The following DPT variants were observed in gnomAD, a reference collection of about 807,000 sequenced individuals.
DPT encodes the protein tyrosine-rich acidic matrix protein.
In DPT, 21 loss-of-function variants were observed where a neutral mutation model predicts 31.2. The observed-to-expected ratio is 0.67, with a 90% CI of 0.48 to 0.97. DPT has a LOEUF of 0.97. Among genes scored for constraint, DPT ranks in the 50% least tolerant of loss-of-function variants. The pLI is 0.00. For synonymous variants in DPT, 91 were observed against 86.9 expected, an observed-to-expected ratio of 1.05 and a Z score of -0.26; for missense variants, 262 against 258.8, an observed-to-expected ratio of 1.01 and a Z score of -0.08.
At chr1:168,705,897 G>C (rs72689248) in intron 2 of DPT, among the ~76,000 whole-genome samples, 24,449 of 152,184 alleles carry the variant, frequency 0.16, 2,746 homozygotes, top group African/African-American at 0.32. Context: ...TTAAAAATGA[G>C]AGTTTCCCTG....
chr1:168,724,714 C>G (rs919053553), intron 1 of DPT, among the ~76,000 whole-genome samples: 16 of 152,072 alleles, frequency 1.1e-4, no homozygotes, highest in Non-Finnish European at 7.4e-5. Flanking sequence ...GGACGACTGC[C>G]CTGAACTACA....
intron 1 of DPT, among the ~76,000 whole-genome samples, chr1:168,715,080 T>C (rs1649950645): frequency 6.6e-6 from 1 of 152,188 alleles, no homozygotes; most frequent in South Asian, 2.1e-4. Context: ...GCCAACTGAA[T>C]GCCTCAAACC....
At chr1:168,706,701 T>C (rs964535182) in intron 2 of DPT, among the ~76,000 whole-genome samples, 1 of 152,204 alleles carries the variant, frequency 6.6e-6, no homozygotes, top group African/African-American at 2.4e-5. Context: ...GACTTTACAT[T>C]TCAAACATTT....
intron 3 of DPT, among the ~76,000 whole-genome samples, chr1:168,700,214 C>T (rs1649563594): frequency 6.6e-6 from 1 of 152,000 alleles, no homozygotes; most frequent in South Asian, 2.1e-4. Flanking sequence ...GGGATTAGTG[C>T]CCATATAAAA....
intron 3 of DPT, among the ~76,000 whole-genome samples, chr1:168,698,000 A>G (rs1320011384): frequency 6.6e-6 from 1 of 152,206 alleles, no homozygotes; most frequent in Non-Finnish European, 1.5e-5. Flanking sequence ...TATGCAAATC[A>G]TTCCAAAGCT....
intron 2 of DPT, among the ~76,000 whole-genome samples, chr1:168,704,300 G>T (rs1404742049): frequency 6.6e-6 from 1 of 152,136 alleles, no homozygotes; most frequent in Non-Finnish European, 1.5e-5. Context: ...GAAGAAGAGC[G>T]CAGGTCAGGA....
intron 2 of DPT, among the ~76,000 whole-genome samples, chr1:168,708,524 T>C (rs976348594): frequency 6.6e-6 from 1 of 152,260 alleles, no homozygotes; most frequent in Non-Finnish European, 1.5e-5. Context: ...TCTATAGTAA[T>C]AGCTTCCAGC....
intron 2 of DPT, among the ~76,000 whole-genome samples, chr1:168,710,043 C>A (rs1026375743): frequency 2.0e-5 from 3 of 152,082 alleles, no homozygotes; most frequent in Non-Finnish European, 4.4e-5. Context: ...TGGGTAATAT[C>A]CTGGAGATGT....
intron 1 of DPT, among the ~76,000 whole-genome samples, chr1:168,725,109 G>C (rs1429767835): frequency 1.3e-5 from 2 of 152,136 alleles, no homozygotes; most frequent in Admixed American, 1.3e-4. Context: ...ATTTGCTTTA[G>C]AGTTTTCTTA....
intron 1 of DPT, among the ~76,000 whole-genome samples, 197 bp downstream of exon 1, chr1:168,728,673 C>G (rs182710683): frequency 6.6e-6 from 1 of 152,286 alleles, no homozygotes; most frequent in East Asian, 1.9e-4. Flanking sequence ...CAGACACTCC[C>G]CATCCCAGGT....
chr1:168,721,199 G>A (rs1281062610), intron 1 of DPT, among the ~76,000 whole-genome samples: 1 of 152,180 alleles, frequency 6.6e-6, no homozygotes, highest in East Asian at 1.9e-4. Context: ...GGGCAAGTTT[G>A]CCCAGTAAAA....
intron 3 of DPT, among the ~76,000 whole-genome samples, chr1:168,697,641 T>A (rs1450331106): frequency 2.0e-5 from 3 of 152,236 alleles, no homozygotes; most frequent in Non-Finnish European, 2.9e-5. Context: ...CTACATTGCA[T>A]GACACTCCTG....
chr1:168,722,962 T>G lies in DPT; in HGVS notation c.305+5908A>C, dbSNP rs896658246. Among the ~76,000 whole-genome samples the G allele has an allele frequency of 5.3e-5, 8 of 152,178 alleles. No homozygotes were observed. In the East Asian group the frequency reaches 1.5e-3, roughly 29 times the overall value. On this transcript the variant is annotated intron_variant, in intron 1 of 3. Coordinates refer to ENST00000367817, the MANE Select transcript of DPT (RefSeq NM_001937.5). ...GGTTCCCAGACAGAAGCAAATCCCC[T>G]CCTGGGAGGAGGGAGCTTTTGCCAT...
chr1:168,710,149 T>C (rs914397618), intron 2 of DPT, among the ~76,000 whole-genome samples: 1 of 152,188 alleles, frequency 6.6e-6, no homozygotes, highest in Non-Finnish European at 1.5e-5. Context: ...CACTAAAATG[T>C]CTAGACACAC....
chr1:168,728,716 G>A (rs1349770753), intron 1 of DPT, among the ~76,000 whole-genome samples, 154 bp downstream of exon 1: 3 of 152,180 alleles, frequency 2.0e-5, no homozygotes, highest in Non-Finnish European at 4.4e-5. Flanking sequence ...CTCAGCAGCA[G>A]CCCTGCTCCA....
chr1:168,708,885 T>TA (rs1489565380), intron 2 of DPT, among the ~76,000 whole-genome samples: 4 of 152,186 alleles, frequency 2.6e-5, no homozygotes, highest in African/African-American at 7.2e-5. Flanking sequence ...GGCTAAGAAT[T>TA]AAAGATTAGC....
At chr1:168,705,214 G>A (rs1292146855) in intron 2 of DPT, among the ~76,000 whole-genome samples, 3 of 152,122 alleles carry the variant, frequency 2.0e-5, no homozygotes, top group South Asian at 2.1e-4. Context: ...GACCTTATTC[G>A]GAGCTAGACA....
At chr1:168,698,343 G>T (rs1389836262) in intron 3 of DPT, among the ~76,000 whole-genome samples, 1 of 152,216 alleles carries the variant, frequency 6.6e-6, no homozygotes, top group African/African-American at 2.4e-5. Context: ...ATTGTCAAAA[G>T]AGGTCATAGA....
intron 1 of DPT, among the ~76,000 whole-genome samples, chr1:168,721,561 C>T (rs1312443297): frequency 6.6e-6 from 1 of 152,184 alleles, no homozygotes; most frequent in East Asian, 1.9e-4. Context: ...TCCAATTAGA[C>T]ACTGAGAGGA....
Sources: allele counts gnomAD v4.1 joint callset (sites outside exome capture counted in the v4.1 genomes callset), GRCh38; gene constraint gnomAD v4.1.1; transcripts MANE v1.5; gene names NCBI Gene and HGNC (gene_info 2026-07-23, HGNC 2026-07-21).